The following AUTS2 variants were observed in gnomAD, a reference collection of about 807,000 sequenced individuals.
The protein encoded by AUTS2 is activator of transcription and developmental regulator AUTS2.
In AUTS2, 17 loss-of-function variants were observed where a neutral mutation model predicts 112.4. That is an observed-to-expected ratio of 0.15 (90% CI 0.10 to 0.23). The LOEUF (loss-of-function observed/expected upper bound fraction) is 0.23, where lower values mean the gene tolerates loss of function less well. Among genes scored for constraint, AUTS2 ranks in the 10% least tolerant of loss-of-function variants. The probability of loss-of-function intolerance (pLI) is 1.00; values close to 1 mark genes in which losing one functional copy is unlikely to be tolerated. For missense variants in AUTS2, 1,510 were observed against 1,701.6 expected, an observed-to-expected ratio of 0.89 and a Z score of 1.98; for synonymous variants, 751 against 702.7, an observed-to-expected ratio of 1.07 and a Z score of -1.09.
In AUTS2 at chr7:69,623,284, A is replaced by T. The variant is rs115172763; in HGVS notation, c.309+23322A>T. Among the ~76,000 whole-genome samples the T allele has an allele frequency of 5.0e-3, 753 of 151,844 alleles. 8 individuals carry two copies. Among genetic ancestry groups the T allele is most frequent in the African/African-American group, 0.017 (711 of 41,398 alleles). The stretch of plus-strand genomic sequence containing the variant: ...GTCACCCAGGCTGGAATGTAGTGGG[A>T]CAGTCATGACTCACTGCAGTCTCAA... On this transcript the variant is annotated intron_variant, in intron 1 of 18. Transcript: ENST00000342771.
At chr7:69,812,762 G>A (rs1790597305) in intron 1 of AUTS2, among the ~76,000 whole-genome samples, 1 of 152,002 alleles carries the variant, frequency 6.6e-6, no homozygotes, top group South Asian at 2.1e-4. Flanking sequence ...ACTTTTGTCA[G>A]TATTAGTTAA....
intron 4 of AUTS2, among the ~76,000 whole-genome samples, chr7:70,379,642 G>T (rs1793277205): frequency 6.6e-6 from 1 of 152,196 alleles, no homozygotes; most frequent in Admixed American, 6.5e-5. Context: ...GTTGTAGCTT[G>T]GTAGACTGGC....
chr7:69,996,400 T>TGGATAGCAAGGGC (rs1798943446), intron 2 of AUTS2, among the ~76,000 whole-genome samples: 1 of 152,228 alleles, frequency 6.6e-6, no homozygotes. Flanking sequence ...GTGCAGATTG[T>TGGATAGCAAGGGC]GGATAGCAAG....
At chr7:69,793,554 GTTAGT>G (rs1789711746) in intron 1 of AUTS2, among the ~76,000 whole-genome samples, 1 of 152,144 alleles carries the variant, frequency 6.6e-6, no homozygotes. Context: ...GGTGGGAACA[GTTAGT>G]TTAGGTTAGG....
At chr7:70,480,202 G>A (rs1797735525) in intron 5 of AUTS2, among the ~76,000 whole-genome samples, 1 of 152,254 alleles carries the variant, frequency 6.6e-6, no homozygotes, top group Admixed American at 6.5e-5. Flanking sequence ...GATATGTCCA[G>A]TGTATGTGTA....
intron 2 of AUTS2, among the ~76,000 whole-genome samples, chr7:70,092,237 T>C (rs1199822766): frequency 6.6e-6 from 1 of 152,156 alleles, no homozygotes; most frequent in Non-Finnish European, 1.5e-5. Flanking sequence ...TTAGGCATAT[T>C]TTAGCCGTAA....
At chr7:70,070,005 T>G (rs1802680162) in intron 2 of AUTS2, among the ~76,000 whole-genome samples, 1 of 152,170 alleles carries the variant, frequency 6.6e-6, no homozygotes, top group Non-Finnish European at 1.5e-5. Context: ...AAATCATAAA[T>G]CTCTCTATTT....
At chr7:70,644,093 A>G (rs1373040858) in intron 5 of AUTS2, among the ~76,000 whole-genome samples, 1 of 152,134 alleles carries the variant, frequency 6.6e-6, no homozygotes, top group African/African-American at 2.4e-5. Context: ...GATTTTTCCC[A>G]TCCATCAATT....
intron 5 of AUTS2, among the ~76,000 whole-genome samples, chr7:70,675,776 G>T (rs775441706): frequency 6.6e-6 from 1 of 152,216 alleles, no homozygotes; most frequent in Non-Finnish European, 1.5e-5. Context: ...ACAGAACGGC[G>T]TCTGGGTTGT....
At chr7:70,571,790 C>A (rs887749435) in intron 5 of AUTS2, among the ~76,000 whole-genome samples, 1 of 152,170 alleles carries the variant, frequency 6.6e-6, no homozygotes, top group Non-Finnish European at 1.5e-5. Context: ...GGCCTCTGTT[C>A]CAGATGCACA....
chr7:69,912,889 T>C (rs1795421921), intron 2 of AUTS2, among the ~76,000 whole-genome samples: 1 of 152,256 alleles, frequency 6.6e-6, no homozygotes, highest in Admixed American at 6.5e-5. Context: ...TTTAGATTTA[T>C]CATCTCTAGA....
chr7:70,110,052 T>C (rs928634922), intron 2 of AUTS2, among the ~76,000 whole-genome samples: 4 of 152,220 alleles, frequency 2.6e-5, no homozygotes, highest in Non-Finnish European at 5.9e-5. Context: ...AGAGTAGAGT[T>C]AACAATTCTC....
At chr7:70,253,911 G>A (rs997070002) in intron 4 of AUTS2, among the ~76,000 whole-genome samples, 10 of 152,058 alleles carry the variant, frequency 6.6e-5, no homozygotes, top group African/African-American at 1.9e-4. Context: ...GTCTTACCTG[G>A]GGTGGGGGCC....
chr7:70,219,961 A>C (rs1018839339), intron 4 of AUTS2, among the ~76,000 whole-genome samples: 2 of 152,206 alleles, frequency 1.3e-5, no homozygotes, highest in African/African-American at 4.8e-5. Context: ...AGTCACATTA[A>C]GTCTAAGACA....
At position 70,763,044 on chromosome 7, in the gene AUTS2, T is replaced by G; in HGVS notation, c.917T>G (p.Ile306Arg). ...CCCTGCCCTCAGGTCGCACAGCCAA[T>G]ACCCCAGCCGCAGACGGAGCCCCAA... ...KDPCPQVAQP[I>R]PQPQTEPQLR... The change falls in exon 7 of 19, where the codon ATA becomes AGA. Residue 306 changes from isoleucine to arginine, a missense_variant. Ile to Arg is a moderately conservative substitution (Grantham distance 97, BLOSUM62 -3). Around this residue, in one of 3 missense-constraint regions of AUTS2, gnomAD observed 535 missense variants for 594.3 expected, o/e 0.90. Transcript: ENST00000342771. The G allele has an allele frequency of 1.9e-6, 3 of 1,613,992 alleles. No homozygotes were observed. Among genetic ancestry groups the G allele is most frequent in the Non-Finnish European group, 2.5e-6 (3 of 1,179,988 alleles).
intron 1 of AUTS2, among the ~76,000 whole-genome samples, chr7:69,683,482 C>T (rs1796907495): frequency 6.6e-6 from 1 of 152,166 alleles, no homozygotes; most frequent in Non-Finnish European, 1.5e-5. Context: ...TTTACCCTCT[C>T]TATCTGCTTA....
At chr7:69,856,221 T>C (rs1792714482) in intron 1 of AUTS2, among the ~76,000 whole-genome samples, 1 of 152,154 alleles carries the variant, frequency 6.6e-6, no homozygotes, top group Non-Finnish European at 1.5e-5. Context: ...TGGAACTTTC[T>C]TGTTCCACCT....
intron 2 of AUTS2, among the ~76,000 whole-genome samples, chr7:70,067,119 G>A (rs1212069845): frequency 6.6e-6 from 1 of 152,134 alleles, no homozygotes; most frequent in Non-Finnish European, 1.5e-5. Context: ...GAGGCGAAAA[G>A]TACAGTGTGA....
At chr7:70,146,813 C>T (rs917445981) in intron 4 of AUTS2, among the ~76,000 whole-genome samples, 3 of 152,106 alleles carry the variant, frequency 2.0e-5, no homozygotes, top group Admixed American at 6.6e-5. Context: ...CTATACTTAT[C>T]TATGTACACA....
Sources: gnomAD v4.1 joint callset for allele counts (sites outside exome capture counted in the v4.1 genomes callset) on GRCh38, gnomAD v4.1.1 for gene constraint, gnomAD v4.1.1 regional missense constraint, MANE v1.5 for transcripts, NCBI Gene and HGNC (gene_info 2026-07-23, HGNC 2026-07-21) for gene names.